LRFN2: variants seen among roughly 807,000 people sequenced by gnomAD.
LRFN2 encodes leucine-rich repeat and fibronectin type-III domain-containing protein 2.
Under a neutral mutation model 37.3 loss-of-function variants are expected in LRFN2, and 18 were observed. That is an observed-to-expected ratio of 0.48 (90% confidence interval 0.33 to 0.72). The LOEUF (loss-of-function observed/expected upper bound fraction) is 0.72. Ranked by LOEUF, LRFN2 falls within the 30% of genes least tolerant of loss-of-function variation. The pLI is 0.02. For missense variants in LRFN2, 1,006 were observed against 1,060.7 expected (o/e 0.95, Z 0.72); for synonymous variants, 556 against 466.6 (o/e 1.19, Z -2.47).
At chr6:40,515,165 G>GA (rs1765826434) in intron 1 of LRFN2, among the ~76,000 whole-genome samples, 2 of 152,200 alleles carry the variant, frequency 1.3e-5, no homozygotes, top group Admixed American at 1.3e-4. Flanking sequence ...ATGCTAAAAT[G>GA]AGTGTGCTTT....
At chr6:40,492,696 G>C (rs1765120379) in intron 1 of LRFN2, among the ~76,000 whole-genome samples, 1 of 152,060 alleles carries the variant, frequency 6.6e-6, no homozygotes, top group Non-Finnish European at 1.5e-5. Flanking sequence ...TGGCAGCCAG[G>C]GGCACCTCCT....
At chr6:40,546,748 A>G (rs997012384) in intron 1 of LRFN2, among the ~76,000 whole-genome samples, 13 of 152,204 alleles carry the variant, frequency 8.5e-5, no homozygotes, top group African/African-American at 2.9e-4. Context: ...TCACTACCCT[A>G]TGTGGCAGGA....
intron 1 of LRFN2, among the ~76,000 whole-genome samples, chr6:40,543,254 A>C (rs1766591121): frequency 6.6e-6 from 1 of 152,218 alleles, no homozygotes; most frequent in Non-Finnish European, 1.5e-5. Context: ...TTTCTCTCTC[A>C]TTCTGGTTTC....
chr6:40,552,151 G>C (rs1445775194), intron 1 of LRFN2, among the ~76,000 whole-genome samples: 1 of 152,122 alleles, frequency 6.6e-6, no homozygotes, highest in Non-Finnish European at 1.5e-5. Flanking sequence ...CAAATTCGCA[G>C]GTCCCACTCC....
At chr6:40,426,759 A>G (rs1192479755) in intron 2 of LRFN2, among the ~76,000 whole-genome samples, 1 of 152,136 alleles carries the variant, frequency 6.6e-6, no homozygotes, top group Non-Finnish European at 1.5e-5. Flanking sequence ...AACTTCTCCC[A>G]TTTCACATGA....
chr6:40,485,572 A>T (rs151214452), intron 1 of LRFN2, among the ~76,000 whole-genome samples: 1 of 152,232 alleles, frequency 6.6e-6, no homozygotes. Flanking sequence ...CTCCTCCAAC[A>T]TCGACAGCAA....
Position 40,432,541 on chromosome 6 carries a change from G to C in LRFN2, c.573C>G (p.Gly191=), listed in dbSNP as rs879225089. 4.3e-6 allele frequency: 7 copies of C among 1,614,130 alleles called. No homozygotes were observed. In the African/African-American group the frequency reaches 9.3e-5, roughly 22 times the overall value. Residue 191 remains glycine, a synonymous_variant, in exon 2 of 3, where the codon GGC becomes GGG. Coordinates refer to ENST00000338305, the MANE Select transcript of LRFN2 (RefSeq NM_020737.3). The stretch of plus-strand genomic sequence containing the variant: ...CCAGTTTCTGCAGGTCTGCAAAGGT[G>C]CCCTCGGCGATGTGATCCAGCAGGT... ...DHNLLDHIAE[G]TFADLQKLAR... is the part of the protein sequence containing the mutation.
At chr6:40,460,151 C>G (rs1991874) in intron 1 of LRFN2, among the ~76,000 whole-genome samples, 127,375 of 152,128 alleles carry the variant, frequency 0.84, 53,576 homozygotes, top group Middle Eastern at 0.91. Flanking sequence ...CTCACAGGGG[C>G]TCCTTCCGGA....
At chr6:40,520,780 G>A (rs1766039076) in intron 1 of LRFN2, among the ~76,000 whole-genome samples, 1 of 152,166 alleles carries the variant, frequency 6.6e-6, no homozygotes, top group Non-Finnish European at 1.5e-5. Context: ...GGCCTGGCTA[G>A]CCAGCCCCTT....
At chr6:40,440,243 T>C (rs933332836) in intron 1 of LRFN2, among the ~76,000 whole-genome samples, 3 of 152,214 alleles carry the variant, frequency 2.0e-5, no homozygotes, top group African/African-American at 7.2e-5. Context: ...AAGTAAGTCA[T>C]TAAGCTCAGA....
intron 1 of LRFN2, among the ~76,000 whole-genome samples, chr6:40,559,186 G>C (rs1366610215): frequency 6.6e-6 from 1 of 152,120 alleles, no homozygotes; most frequent in East Asian, 1.9e-4. Context: ...AGTGCAGAGA[G>C]GGAGACAGTG....
At chr6:40,554,177 T>C (rs754500409) in intron 1 of LRFN2, among the ~76,000 whole-genome samples, 10 of 152,178 alleles carry the variant, frequency 6.6e-5, no homozygotes, top group Non-Finnish European at 1.2e-4. Context: ...CCATGAGATA[T>C]ACTAAAGCAC....
intron 1 of LRFN2, among the ~76,000 whole-genome samples, chr6:40,491,428 C>T (rs1159521814): frequency 6.6e-6 from 1 of 152,228 alleles, no homozygotes; most frequent in African/African-American, 2.4e-5. Context: ...CCGGAGGGCT[C>T]CTAGCATCCC....
At chr6:40,508,578 T>A (rs1361533521) in intron 1 of LRFN2, among the ~76,000 whole-genome samples, 1 of 152,222 alleles carries the variant, frequency 6.6e-6, no homozygotes, top group Non-Finnish European at 1.5e-5. Context: ...TACTGCATAC[T>A]AGTGGGTCAC....
rs1189439860 is a variant in LRFN2, at chr6:40,392,251, C to A, written c.2062G>T (p.Ala688Ser). The A allele has an allele frequency of 1.3e-6, 2 of 1,581,192 alleles. No homozygotes were observed. The highest frequency in any genetic ancestry group is 1.2e-5 in the South Asian group (1 of 84,780). Residue 688 changes from alanine to serine, a missense_variant, in exon 3 of 3, where the codon GCC becomes TCC. Ala to Ser is a moderately conservative substitution (Grantham distance 99). Transcript: ENST00000338305. This position sits in a 1 kb window ranked among gnomAD's most constrained non-coding sequence, Gnocchi z 4.7. ...TPAGRGAGTSARGHHSDREPL... is the reference protein window; with the variant it reads ...TPAGRGAGTSSRGHHSDREPL... ...TCTCGGTCCGAGTGGTGGCCCCGGGCCGACGTCCCAGCCCCTCTCCCGGCT... is the reference window on the plus strand; with the variant it reads ...TCTCGGTCCGAGTGGTGGCCCCGGGACGACGTCCCAGCCCCTCTCCCGGCT...
chr6:40,577,254 G>T (rs1767304294), intron 1 of LRFN2, among the ~76,000 whole-genome samples: 1 of 151,832 alleles, frequency 6.6e-6, no homozygotes, highest in African/African-American at 2.4e-5. Flanking sequence ...GGCACGCGCG[G>T]CCATGTCCAG....
At chr6:40,446,622 C>A (rs1476770315) in intron 1 of LRFN2, among the ~76,000 whole-genome samples, 2 of 152,196 alleles carry the variant, frequency 1.3e-5, no homozygotes, top group East Asian at 1.9e-4. Context: ...CTGTGCTGAG[C>A]TCCATACAGA....
intron 1 of LRFN2, among the ~76,000 whole-genome samples, chr6:40,450,627 A>G (rs1764082239): frequency 6.6e-6 from 1 of 152,210 alleles, no homozygotes; most frequent in African/African-American, 2.4e-5. Context: ...CAGACTGGTT[A>G]TACACGGGCA....
At chr6:40,444,218 G>A (rs55786184) in intron 1 of LRFN2, among the ~76,000 whole-genome samples, 13,009 of 152,172 alleles carry the variant, frequency 0.085, 606 homozygotes, top group Non-Finnish European at 0.11. Flanking sequence ...CTTTCTCAAT[G>A]AGTTATTGGA....
Sources: gnomAD v4.1 joint callset for allele counts (sites outside exome capture counted in the v4.1 genomes callset) on GRCh38, gnomAD v4.1.1 for gene constraint, Gnocchi (gnomAD v3.1) non-coding constraint, MANE v1.5 for transcripts, NCBI Gene and HGNC (gene_info 2026-07-23, HGNC 2026-07-21) for gene names.